Variants in GALNT17 observed in about 807,000 individuals in gnomAD.
GALNT17 encodes UDP-GalNAc:polypeptide N-acetylgalactosaminyltransferase-like 3.
GALNT17 carries 29 observed loss-of-function variants against 63.7 expected under a neutral mutation model. The ratio of observed to expected loss-of-function variants is 0.46; its 90% CI spans 0.34 to 0.62. The LOEUF (loss-of-function observed/expected upper bound fraction) is 0.62, where lower values mean the gene tolerates loss of function less well. Among genes scored for constraint, GALNT17 ranks in the 20% least tolerant of loss-of-function variants. The pLI is 0.01. For synonymous variants in GALNT17, 305 were observed against 318.3 expected, an observed-to-expected ratio of 0.96 and a Z score of 0.45; for missense variants, 603 against 799.6, an observed-to-expected ratio of 0.75 and a Z score of 2.97.
chr7:71,525,171 T>TTTTG (rs756290283), intron 5 of GALNT17, among the ~76,000 whole-genome samples: 3 of 151,996 alleles, frequency 2.0e-5, no homozygotes, highest in East Asian at 1.9e-4. Context: ...TGTGTGTGTG[T>TTTTG]TTTGTTTGTT....
intron 1 of GALNT17, among the ~76,000 whole-genome samples, chr7:71,155,534 A>G (rs1454203972): frequency 1.3e-5 from 2 of 151,654 alleles, no homozygotes; most frequent in Non-Finnish European, 1.5e-5. Flanking sequence ...TCAGCCTCCC[A>G]AAGTGCTGGA....
chr7:71,556,207 G>C (rs182283838), intron 5 of GALNT17, among the ~76,000 whole-genome samples: 1 of 152,132 alleles, frequency 6.6e-6, no homozygotes, highest in African/African-American at 2.4e-5. Context: ...ATTTGGTTCC[G>C]AGAACAATTG....
intron 1 of GALNT17, among the ~76,000 whole-genome samples, chr7:71,210,248 A>G (rs757038481): frequency 6.6e-6 from 1 of 152,156 alleles, no homozygotes; most frequent in Non-Finnish European, 1.5e-5. Context: ...TGATTCAATT[A>G]TCTCCCCCTG....
chr7:71,156,579 GTCCTTCCTTCCTTCCTTCCT>G lies in GALNT17; in HGVS notation c.238+23560_238+23579del, dbSNP rs61515412. Reference sequence around the variant, plus strand: ...TTAAATTCATTTATTCACATGAGATGTCCTTCCTTCCTTCCTTCCTTCCTTCCTTCCTTCCTTCCTCCATT... The same window carrying G: ...TTAAATTCATTTATTCACATGAGATGTCCTTCCTTCCTTCCTTCCTCCATT... On this transcript the variant is annotated intron_variant, in intron 1 of 10. Coordinates refer to ENST00000333538, the MANE Select transcript of GALNT17 (RefSeq NM_022479.3). 1.6e-4 allele frequency among the ~76,000 whole-genome samples: 23 copies of G among 139,900 alleles called. No homozygotes were observed. The South Asian group carries it at 4.6e-3, about 28-fold the overall frequency. 91.8% of individuals were successfully genotyped at this position (139,900 alleles called of 152,430 possible).
chr7:71,375,838 G>A (rs948611140), intron 2 of GALNT17, among the ~76,000 whole-genome samples: 5 of 152,302 alleles, frequency 3.3e-5, no homozygotes, highest in African/African-American at 9.6e-5. Context: ...CAGTTTCAAC[G>A]TACAGTAGGA....
chr7:71,536,937 G>T (rs1788811760), intron 5 of GALNT17, among the ~76,000 whole-genome samples: 1 of 151,998 alleles, frequency 6.6e-6, no homozygotes, highest in Non-Finnish European at 1.5e-5. Flanking sequence ...CCCTGCACAG[G>T]GACCTGTCCC....
At chr7:71,585,330 T>C (rs1361321148) in intron 6 of GALNT17, among the ~76,000 whole-genome samples, 1 of 152,172 alleles carries the variant, frequency 6.6e-6, no homozygotes, top group Non-Finnish European at 1.5e-5. Flanking sequence ...AATTAATGGT[T>C]TTAGCAGCTA....
At position 71,444,851 on chromosome 7, in the gene GALNT17, A is replaced by G. The variant is rs7783751; in HGVS notation, c.962+23746A>G. Among the ~76,000 whole-genome samples, 1,019 of 152,090 alleles carry G rather than the reference A, an allele frequency of 6.7e-3. 11 individuals carry two copies. Among genetic ancestry groups the G allele is most frequent in the African/African-American group, 0.023 (973 of 41,506 alleles). On this transcript the variant is annotated intron_variant, in intron 5 of 10. Transcript: ENST00000333538. ...GAAAACAAACAAACAAACAAACGAA[A>G]TGTTACCTGAAAAAAACTGGAGTTC...
At chr7:71,710,195 A>T (rs2115566315) in intron 9 of GALNT17, among the ~76,000 whole-genome samples, 1 of 152,246 alleles carries the variant, frequency 6.6e-6, no homozygotes, top group South Asian at 2.1e-4. Context: ...GTCCTAAAAC[A>T]TTGACTGAGG....
intron 9 of GALNT17, among the ~76,000 whole-genome samples, chr7:71,687,966 G>A (rs1447205127): frequency 6.6e-6 from 1 of 152,168 alleles, no homozygotes; most frequent in East Asian, 1.9e-4. Context: ...CCAAAGTGCT[G>A]GGATTACAAG....
At chr7:71,146,344 G>A (rs1335365629) in intron 1 of GALNT17, among the ~76,000 whole-genome samples, 1 of 152,182 alleles carries the variant, frequency 6.6e-6, no homozygotes, top group African/African-American at 2.4e-5. Flanking sequence ...ACTCCTTCTG[G>A]ATTCAGAGAT....
chr7:71,706,033 C>T (rs1056831582), intron 9 of GALNT17, among the ~76,000 whole-genome samples: 6 of 152,114 alleles, frequency 3.9e-5, no homozygotes, highest in African/African-American at 9.7e-5. Context: ...TCCAAGGGTT[C>T]GCTACCCACC....
rs1791189060 is a variant in GALNT17, at chr7:71,301,181, G to A, written c.239-34369G>A. On this transcript the variant is annotated intron_variant, in intron 1 of 10. Transcript: ENST00000333538. ...TGCCGCCTGTAGTCCCAGCTACTCGGGAGGCTGAGGTGGGAGGATCCCTTC... is the reference window on the plus strand; with the variant it reads ...TGCCGCCTGTAGTCCCAGCTACTCGAGAGGCTGAGGTGGGAGGATCCCTTC... Among the ~76,000 whole-genome samples, 4 of 151,712 alleles carry A rather than the reference G, an allele frequency of 2.6e-5. No homozygotes were observed. In the South Asian group the frequency reaches 8.3e-4, roughly 32 times the overall value.
At chr7:71,317,609 G>A (rs1424516863) in intron 1 of GALNT17, among the ~76,000 whole-genome samples, 1 of 152,154 alleles carries the variant, frequency 6.6e-6, no homozygotes, top group Non-Finnish European at 1.5e-5. Flanking sequence ...CTCTGCAGGT[G>A]TTTATTCTAA....
At chr7:71,509,662 G>C (rs755836470) in intron 5 of GALNT17, among the ~76,000 whole-genome samples, 2 of 152,168 alleles carry the variant, frequency 1.3e-5, no homozygotes, top group Admixed American at 1.3e-4. Flanking sequence ...TGCTCCCAAA[G>C]AGCCTGAGGC....
intron 8 of GALNT17, among the ~76,000 whole-genome samples, chr7:71,671,750 G>A (rs1280740341): frequency 6.6e-6 from 1 of 152,214 alleles, no homozygotes; most frequent in Non-Finnish European, 1.5e-5. Flanking sequence ...GCATGGCCAA[G>A]CACCGTGGCT....
At chr7:71,437,389 G>A (rs1786984982) in intron 5 of GALNT17, among the ~76,000 whole-genome samples, 1 of 152,056 alleles carries the variant, frequency 6.6e-6, no homozygotes. Flanking sequence ...TAAAACATTT[G>A]CTATTTGTTC....
chr7:71,165,685 C>A (rs1788427240), intron 1 of GALNT17, among the ~76,000 whole-genome samples: 1 of 152,202 alleles, frequency 6.6e-6, no homozygotes, highest in Non-Finnish European at 1.5e-5. Context: ...TGTCAAGATA[C>A]ATGTTTTCGT....
In GALNT17 at chr7:71,150,123, G is replaced by A. The variant is rs142312738; in HGVS notation, c.238+17083G>A. Among the ~76,000 whole-genome samples, 191 of 152,240 alleles carry A rather than the reference G, an allele frequency of 1.3e-3. 2 individuals are homozygous for A. The highest frequency in any genetic ancestry group is 4.5e-3 in the African/African-American group (185 of 41,542). On this transcript the variant is annotated intron_variant, in intron 1 of 10. Transcript: ENST00000333538. ...ATTCCAGGGCACCCTTCTCATTCCT[G>A]TTCACCATCCTGATCTGTGCCACAG...
Sources: allele counts gnomAD v4.1 joint callset (sites outside exome capture counted in the v4.1 genomes callset), GRCh38; gene constraint gnomAD v4.1.1; transcripts MANE v1.5; gene names NCBI Gene and HGNC (gene_info 2026-07-23, HGNC 2026-07-21).